Variants in SHROOM2 observed in about 807,000 individuals in gnomAD.
SHROOM2 encodes protein Shroom2.
SHROOM2 carries 33 observed loss-of-function variants against 75.9 expected under a neutral mutation model. The ratio of observed to expected loss-of-function variants is 0.43; its 90% confidence interval spans 0.33 to 0.58. SHROOM2 has a LOEUF of 0.58. Ranked by LOEUF, SHROOM2 falls within the 20% of genes least tolerant of loss-of-function variation. The probability of loss-of-function intolerance (pLI) is 0.04; values close to 1 mark genes in which losing one functional copy is unlikely to be tolerated. For synonymous variants in SHROOM2, 655 were observed against 663.6 expected, an observed-to-expected ratio of 0.99 and a Z score of 0.20; for missense variants, 1,434 against 1,461.2, an observed-to-expected ratio of 0.98 and a Z score of 0.30.
At chrX:9,878,524 G>A (rs1367287719) in intron 2 of SHROOM2, among the ~76,000 whole-genome samples, 3 of 111,967 alleles carry the variant, frequency 2.7e-5, no homozygotes, top group East Asian at 2.8e-4. Context: ...CATGCGTCCC[G>A]TCTTGGGCAT....
chrX:9,902,174 G>T (rs1569163685), intron 5 of SHROOM2, among the ~76,000 whole-genome samples: 2 of 110,474 alleles, frequency 1.8e-5, no homozygotes, highest in Non-Finnish European at 1.9e-5. Flanking sequence ...GAGGTGTATG[G>T]ATGGATGGAT....
chrX:9,912,198 GACACACACACACACACACACAC>G (rs57939278), intron 5 of SHROOM2, among the ~76,000 whole-genome samples: 3 of 16,145 alleles, frequency 1.9e-4, no homozygotes, highest in Middle Eastern at 0.048. Context: ...TAAATTACAA[GACACACACACACACACACACAC>G]ACACACACAC....
chrX:9,889,776 G>A (rs1038851333), intron 2 of SHROOM2, among the ~76,000 whole-genome samples: 9 of 111,637 alleles, frequency 8.1e-5, no homozygotes, highest in African/African-American at 2.9e-4. Flanking sequence ...AGGCTCAGGG[G>A]AAGATGCGGC....
At position 9,839,735 on chromosome X, in the gene SHROOM2, G is replaced by A. The variant is rs1021135858; in HGVS notation, c.166-33917G>A. Among the ~76,000 whole-genome samples the A allele has an allele frequency of 1.4e-4, 16 of 111,800 alleles. 1 individual carries two copies. The highest frequency in any genetic ancestry group is 3.0e-4 in the Non-Finnish European group (16 of 53,195). On this transcript the variant is annotated intron_variant, in intron 1 of 9. Coordinates refer to ENST00000380913, the MANE Select transcript of SHROOM2 (RefSeq NM_001649.4). ...ATTGCTGAGTATTAGTGCAGTGTTGGGTAGCAAGTTACATGCTGGTGGCAT... is the reference window on the plus strand; with the variant it reads ...ATTGCTGAGTATTAGTGCAGTGTTGAGTAGCAAGTTACATGCTGGTGGCAT...
chrX:9,912,107 A>AACACACACACACAC (rs61080253), intron 5 of SHROOM2, among the ~76,000 whole-genome samples: 14 of 26,461 alleles, frequency 5.3e-4, no homozygotes, highest in Admixed American at 1.3e-3. Flanking sequence ...CCTTTCTCCA[A>AACACACACACACAC]ACACACACAC....
chrX:9,838,500 G>C (rs2083961323), intron 1 of SHROOM2, among the ~76,000 whole-genome samples: 1 of 111,268 alleles, frequency 9.0e-6, no homozygotes, highest in South Asian at 3.8e-4. Context: ...CCATATAGTA[G>C]ATCAAGCCTT....
intron 2 of SHROOM2, among the ~76,000 whole-genome samples, chrX:9,874,873 G>A (rs1207456220): frequency 9.3e-6 from 1 of 107,380 alleles, no homozygotes; most frequent in African/African-American, 3.4e-5. Flanking sequence ...GAGTTCAATC[G>A]AGACCAGCCT....
At chrX:9,818,381 A>G in intron 1 of SHROOM2, 1 of 245,485 alleles carries the variant, frequency 4.1e-6, no homozygotes, top group South Asian at 5.9e-5. Context: ...CTCTGCCTCC[A>G]TTTTATAAAT....
In SHROOM2 at chrX:9,823,757, TTTTTTC is replaced by T. The variant is rs1245140758; in HGVS notation, c.165+37053_165+37058del. On this transcript the variant is annotated intron_variant, in intron 1 of 9. Coordinates refer to ENST00000380913, the MANE Select transcript of SHROOM2 (RefSeq NM_001649.4). ...CATTTTTTTTCTTTTTTCTTTTTTC[TTTTTTC>T]TTTTTTTTTTTTTGAGACAGGGTCT... Among the ~76,000 whole-genome samples, 302 of 31,471 alleles carry T rather than the reference TTTTTTC, an allele frequency of 9.6e-3. 13 individuals carry two copies. The East Asian group carries it at 0.36, about 38-fold the overall frequency. 27.3% of individuals were successfully genotyped at this position (31,471 alleles called of 115,157 possible).
intron 1 of SHROOM2, among the ~76,000 whole-genome samples, chrX:9,791,005 A>G (rs2083644805): frequency 9.0e-6 from 1 of 111,167 alleles, no homozygotes; most frequent in South Asian, 3.8e-4. Context: ...ACTCACGCCT[A>G]TGAATCCAGA....
At chrX:9,910,316 T>G (rs1270574231) in intron 5 of SHROOM2, among the ~76,000 whole-genome samples, 3 of 111,688 alleles carry the variant, frequency 2.7e-5, no homozygotes, top group Non-Finnish European at 5.6e-5. Context: ...CACCCCATAG[T>G]AAGTCAGATA....
chrX:9,909,206 G>C (rs1295352577), intron 5 of SHROOM2, among the ~76,000 whole-genome samples: 1 of 110,919 alleles, frequency 9.0e-6, no homozygotes, highest in East Asian at 2.8e-4. Context: ...TATGTCATAG[G>C]GACACAGGAA....
intron 8 of SHROOM2, among the ~76,000 whole-genome samples, chrX:9,942,243 GCT>G (rs2084778468): frequency 8.9e-6 from 1 of 111,960 alleles, no homozygotes; most frequent in South Asian, 3.7e-4. Context: ...CTTTTCCTCT[GCT>G]CTCACGCCAC....
At chrX:9,863,823 AT>A (rs1032952029) in intron 1 of SHROOM2, among the ~76,000 whole-genome samples, 2 of 110,387 alleles carry the variant, frequency 1.8e-5, no homozygotes, top group African/African-American at 6.6e-5. Flanking sequence ...GAGGAAAGGA[AT>A]TTTTTCTTTC....
At position 9,890,620 on chromosome X, in the gene SHROOM2, C is replaced by T. The variant is rs765370783; in HGVS notation, c.318-357C>T. Among the ~76,000 whole-genome samples the T allele has an allele frequency of 1.0e-4, 11 of 109,444 alleles. No homozygotes were observed. In the South Asian group the frequency reaches 1.1e-3, roughly 11 times the overall value. On this transcript the variant is annotated intron_variant, in intron 2 of 9. Transcript: ENST00000380913. ...CCCCCTGCACTGTTTGGCTCGAGCG[C>T]GCACGCGCTGCTTGCGGTCCCCAAG...
chrX:9,937,408 G>C lies in SHROOM2; in HGVS notation c.3862G>C (p.Val1288Leu), dbSNP rs759298794. Residue 1288 changes from valine (V) to leucine (L), a missense_variant, in exon 7 of 10, where the codon GTG becomes CTG. By Grantham distance (32) the Val-to-Leu change is conservative. This residue lies in a region of SHROOM2 where 1,340 missense variants were observed against 1,338.3 expected (regional missense o/e 1.00). Transcript: ENST00000380913. The stretch of plus-strand genomic sequence containing the variant: ...TGAGCCCCAGCCCCTGGGCACCCAG[G>C]TGCCCCCCGAGAAAGACCGCTGCAC... ...PAEPQPLGTQVPPEKDRCTSP... is the reference protein window; with the variant it reads ...PAEPQPLGTQLPPEKDRCTSP... 8.3e-7 allele frequency: 1 copy of C among 1,208,806 alleles called. No individual in the cohort carries two copies. Among genetic ancestry groups the C allele is most frequent in the Non-Finnish European group, 1.1e-6 (1 of 894,201 alleles).
At chrX:9,852,459 G>T (rs1344046851) in intron 1 of SHROOM2, among the ~76,000 whole-genome samples, 9 of 112,013 alleles carry the variant, frequency 8.0e-5, no homozygotes, top group Non-Finnish European at 9.4e-5. Context: ...TCACCTTGAA[G>T]GTCTGCTCCG....
chrX:9,824,279 C>CAA (rs1384935336), intron 1 of SHROOM2, among the ~76,000 whole-genome samples: 74 of 94,455 alleles, frequency 7.8e-4, no homozygotes, highest in African/African-American at 2.7e-3. Context: ...ACTAAAAATA[C>CAA]AAAAAAAAAA....
intron 1 of SHROOM2, among the ~76,000 whole-genome samples, chrX:9,823,170 C>CTTCTT (rs2083868541): frequency 8.0e-4 from 20 of 24,972 alleles, no homozygotes; most frequent in Non-Finnish European, 1.0e-3. Flanking sequence ...TTCTTTTCTT[C>CTTCTT]TTCTTCTTCT....
Sources: allele counts gnomAD v4.1 joint callset (sites outside exome capture counted in the v4.1 genomes callset), GRCh38; gene constraint gnomAD v4.1.1; regional missense constraint gnomAD v4.1.1; transcripts MANE v1.5; gene names NCBI Gene and HGNC (gene_info 2026-07-23, HGNC 2026-07-21).